Variants in PLCE1 observed in about 807,000 individuals in gnomAD.
PLCE1 encodes phospholipase C epsilon 1, also known as 1-phosphatidylinositol 4,5-bisphosphate phosphodiesterase epsilon-1.
A neutral mutation model predicts 242.8 loss-of-function variants in PLCE1; 119 were observed. The ratio of observed to expected loss-of-function variants is 0.49; its 90% CI spans 0.42 to 0.57. The LOEUF (loss-of-function observed/expected upper bound fraction) is 0.57, where lower values mean the gene tolerates loss of function less well. PLCE1 is among the 20% of genes least tolerant of loss of function. PLCE1 has a pLI of 0.00. For missense variants in PLCE1, 2,441 were observed against 2,788.8 expected, an observed-to-expected ratio of 0.88 and a Z score of 2.81; for synonymous variants, 945 against 1,017.4, an observed-to-expected ratio of 0.93 and a Z score of 1.35.
rs926586660 is a variant in PLCE1, at chr10:94,329,059, G to A, written c.*1116G>A. ...CTCTTGATATTGCCATGGATTAGAA[G>A]CATTAGTTCTCAGTACTTGAAGACA... On this transcript the variant is annotated 3_prime_UTR_variant, in exon 33 of 33. Transcript: ENST00000371380. The A allele has an allele frequency of 2.0e-5, 3 of 152,226 alleles. No homozygotes were observed. Among genetic ancestry groups the A allele is most frequent in the African/African-American group, 7.2e-5 (3 of 41,532 alleles). The allele number at this position is 152,226 out of a possible 1,614,324, so 9.4% of individuals were successfully genotyped here. A position where few individuals can be genotyped will look rare whatever the true frequency, so the allele number is the denominator to read the frequency against.
intron 2 of PLCE1, among the ~76,000 whole-genome samples, chr10:94,110,287 C>T (rs1226576832): frequency 6.6e-6 from 1 of 152,016 alleles, no homozygotes; most frequent in African/African-American, 2.4e-5. Context: ...TGGTCTCGAT[C>T]TCCTGACCTC....
intron 2 of PLCE1, among the ~76,000 whole-genome samples, chr10:94,056,139 T>C (rs1157744234): frequency 6.6e-6 from 1 of 152,364 alleles, no homozygotes; most frequent in East Asian, 1.9e-4. Flanking sequence ...TTGAATTCTC[T>C]AAAAGCTAGA....
At chr10:94,027,772 G>T (rs1353203234) in intron 1 of PLCE1, among the ~76,000 whole-genome samples, 1 of 152,060 alleles carries the variant, frequency 6.6e-6, no homozygotes, top group Non-Finnish European at 1.5e-5. Context: ...AGTGAGCCAA[G>T]ATCATGCCAC....
At chr10:94,208,124 C>A (rs2049221566) in intron 4 of PLCE1, among the ~76,000 whole-genome samples, 1 of 152,156 alleles carries the variant, frequency 6.6e-6, no homozygotes, top group Non-Finnish European at 1.5e-5. Context: ...TAGTGCCTCA[C>A]AAATACTAAT....
At position 94,099,266 on chromosome 10, in the gene PLCE1, T is replaced by C. The variant is rs2045430204; in HGVS notation, c.1207-32908T>C. Among the ~76,000 whole-genome samples the C allele has an allele frequency of 3.3e-5, 5 of 152,262 alleles. 1 individual carries two copies. Among genetic ancestry groups the C allele is most frequent in the African/African-American group, 1.2e-4 (5 of 41,570 alleles). On this transcript the variant is annotated intron_variant, in intron 2 of 32. Transcript: ENST00000371380. Reference sequence around the variant, plus strand: ...TATGAAAAGCAGGCATCATGGGCCCTGGAGTTAGACTTTAAACCCTGCTTC... The same window carrying C: ...TATGAAAAGCAGGCATCATGGGCCCCGGAGTTAGACTTTAAACCCTGCTTC...
chr10:94,090,121 GAGT>G (rs2045004366), intron 2 of PLCE1, among the ~76,000 whole-genome samples: 1 of 151,970 alleles, frequency 6.6e-6, no homozygotes, highest in Non-Finnish European at 1.5e-5. Flanking sequence ...TCATTGAAAG[GAGT>G]AGTTTTCTGC....
chr10:94,117,676 T>G (rs1438245343), intron 2 of PLCE1, among the ~76,000 whole-genome samples: 1 of 152,218 alleles, frequency 6.6e-6, no homozygotes, highest in Admixed American at 6.5e-5. Flanking sequence ...CATAAGCAGT[T>G]GATCCCAGTG....
rs1473591142 is a variant in PLCE1, at chr10:94,182,148, T to G, written c.1809+10652T>G. Among the ~76,000 whole-genome samples the G allele has an allele frequency of 2.6e-5, 4 of 152,130 alleles. No individual in the cohort carries two copies. The East Asian group carries it at 7.7e-4, about 29-fold the overall frequency. Reference sequence around the variant, plus strand: ...AGTACTGCCATGGAGGACTTCATTTTGAAACAGGAGGAAAATGGTTTCTAT... The same window carrying G: ...AGTACTGCCATGGAGGACTTCATTTGGAAACAGGAGGAAAATGGTTTCTAT... On this transcript the variant is annotated intron_variant, in intron 4 of 32. Coordinates refer to ENST00000371380, the MANE Select transcript of PLCE1 (RefSeq NM_016341.4).
intron 3 of PLCE1, among the ~76,000 whole-genome samples, chr10:94,157,565 G>T (rs2136178678): frequency 6.6e-6 from 1 of 152,348 alleles, no homozygotes; most frequent in South Asian, 2.1e-4. Flanking sequence ...AGGCAGTAGA[G>T]TATGGAGGCA....
At chr10:94,210,837 T>C (rs553996421) in intron 4 of PLCE1, among the ~76,000 whole-genome samples, 15 of 152,274 alleles carry the variant, frequency 9.9e-5, no homozygotes, top group African/African-American at 3.4e-4. Context: ...TGAAGACAAA[T>C]AGCAATGGCA....
At chr10:94,100,315 C>T (rs2045481219) in intron 2 of PLCE1, 1 of 152,124 alleles carries the variant, frequency 6.6e-6, no homozygotes. Context: ...CTTCACCACC[C>T]CCTCACCCTC....
intron 2 of PLCE1, among the ~76,000 whole-genome samples, chr10:94,125,928 C>A (rs1162218573): frequency 6.6e-6 from 1 of 152,130 alleles, no homozygotes; most frequent in African/African-American, 2.4e-5. Context: ...TGTGGTGTGT[C>A]TGGTTGCTTC....
In PLCE1 at chr10:94,298,816, A is replaced by G. The variant is rs2052932931; in HGVS notation, c.5458+147A>G. The G allele has an allele frequency of 4.7e-6, 4 of 852,930 alleles. No individual in the cohort carries two copies. The Admixed American group carries it at 7.7e-5, about 16-fold the overall frequency. 52.8% of individuals were successfully genotyped at this position (852,930 alleles called of 1,614,324 possible). ...ATATGATGATGGAAAACAGAAGTGA[A>G]TTTGATACTGAATTGTGCCTCCGAT... On this transcript the variant is annotated intron_variant, in intron 24 of 32. Transcript: ENST00000371380. This position sits in a 1 kb window ranked among gnomAD's most constrained non-coding sequence, Gnocchi z 5.2.
At chr10:94,018,763 T>C (rs1490996620) in intron 1 of PLCE1, among the ~76,000 whole-genome samples, 1 of 152,198 alleles carries the variant, frequency 6.6e-6, no homozygotes, top group Non-Finnish European at 1.5e-5. Flanking sequence ...ATTCTGTCTT[T>C]CTCTTCTTGT....
intron 7 of PLCE1, among the ~76,000 whole-genome samples, chr10:94,238,165 A>T (rs1037918382): frequency 6.6e-6 from 1 of 152,256 alleles, no homozygotes; most frequent in African/African-American, 2.4e-5. Context: ...TTATGCCTGT[A>T]ATCCCAGCCC....
At chr10:94,205,937 A>C (rs2049144438) in intron 4 of PLCE1, among the ~76,000 whole-genome samples, 1 of 152,226 alleles carries the variant, frequency 6.6e-6, no homozygotes, top group South Asian at 2.1e-4. Context: ...TGTGCCATGC[A>C]CTGTTCTAGG....
intron 5 of PLCE1, among the ~76,000 whole-genome samples, chr10:94,231,432 G>T (rs1053792973): frequency 4.6e-5 from 7 of 152,144 alleles, no homozygotes; most frequent in Non-Finnish European, 1.5e-5. Flanking sequence ...TTTCTGATTT[G>T]ATTGCCTTTC....
intron 2 of PLCE1, chr10:94,100,226 A>C (rs1213539847): frequency 6.6e-6 from 1 of 152,268 alleles, no homozygotes; most frequent in Non-Finnish European, 1.5e-5. Context: ...CCCAGGGCAG[A>C]AACCAAGAGA....
chr10:94,089,123 G>C, intron 2 of PLCE1: 1 of 1,614,010 alleles, frequency 6.2e-7, no homozygotes, highest in Non-Finnish European at 8.5e-7. Context: ...GCAGCAGGAA[G>C]AGACTTTGCA....
Sources: allele counts gnomAD v4.1 joint callset (sites outside exome capture counted in the v4.1 genomes callset), GRCh38; gene constraint gnomAD v4.1.1; non-coding constraint Gnocchi (gnomAD v3.1); transcripts MANE v1.5; gene names NCBI Gene and HGNC (gene_info 2026-07-23, HGNC 2026-07-21).